Variants in HECTD4 observed in about 807,000 individuals in gnomAD.
HECTD4 encodes probable E3 ubiquitin-protein ligase HECTD4.
HECTD4 carries 114 observed loss-of-function variants against 471.5 expected under a neutral mutation model. That is an observed-to-expected ratio of 0.24 (90% confidence interval 0.21 to 0.28). The LOEUF (loss-of-function observed/expected upper bound fraction) is 0.28, where lower values mean the gene tolerates loss of function less well. Among genes scored for constraint, HECTD4 ranks in the 10% least tolerant of loss-of-function variants. The pLI is 1.00. For missense variants in HECTD4, 3,866 were observed against 5,651.5 expected, an observed-to-expected ratio of 0.68 and a Z score of 10.13; for synonymous variants, 2,012 against 2,256.0, an observed-to-expected ratio of 0.89 and a Z score of 3.07.
At position 112,193,770 on chromosome 12, in the gene HECTD4, C is replaced by A. The variant is rs2032156215; in HGVS notation, c.8750-96G>T. 20 of 1,072,294 alleles carry A rather than the reference C, an allele frequency of 1.9e-5. No homozygotes were observed. The highest frequency in any genetic ancestry group is 2.8e-6 in the Non-Finnish European group (2 of 720,442). 66.4% of individuals were successfully genotyped at this position (1,072,294 alleles called of 1,614,324 possible). A position where few individuals can be genotyped will look rare whatever the true frequency, so the allele number is the denominator to read the frequency against. ...GAAAATGAATAACCCATCCAGAAAC[C>A]CCAGATGGGAGGGTTATCCTGGATA... On this transcript the variant is annotated intron_variant, in intron 56 of 75. Transcript: ENST00000682272. The surrounding 1 kb of genome is among the most constrained non-coding windows in gnomAD (Gnocchi z 5.2).
At chr12:112,318,396 A>T (rs1461838859) in intron 2 of HECTD4, among the ~76,000 whole-genome samples, 1 of 151,528 alleles carries the variant, frequency 6.6e-6, no homozygotes, top group Non-Finnish European at 1.5e-5. Flanking sequence ...TTTTTTAAAG[A>T]CAAAGTCTTG....
intron 34 of HECTD4, 113 bp from the exon 35 acceptor site, chr12:112,237,211 A>G (rs2033531747): frequency 1.2e-6 from 1 of 834,226 alleles, no homozygotes; most frequent in East Asian, 2.7e-5. Flanking sequence ...TTCATGAACC[A>G]TCTAATAGTG....
chr12:112,247,355 A>C, intron 28 of HECTD4, 107 bp downstream of exon 28: 1 of 709,178 alleles, frequency 1.4e-6, no homozygotes, highest in Non-Finnish European at 2.2e-6. Flanking sequence ...TAAAATATTT[A>C]GTAAATTCAC....
At chr12:112,226,534 G>A (rs184637783) in intron 44 of HECTD4, 109 bp downstream of exon 44, 4 of 586,320 alleles carry the variant, frequency 6.8e-6, no homozygotes, top group Non-Finnish European at 1.2e-5. Context: ...CTTACAGCTC[G>A]GCTGTTTTGA....
rs2036910191 is a variant in HECTD4, at chr12:112,382,280, G to T, written c.-152C>A. The stretch of plus-strand genomic sequence containing the variant: ...TCGCCCGTGCAACTCCGCCCTAGGC[G>T]GTCCGAGTCGCCATACCCCCGACCC... On this transcript the variant is annotated 5_prime_UTR_variant, in exon 1 of 76. Coordinates refer to ENST00000682272, the MANE Select transcript of HECTD4 (RefSeq NM_001388303.1). 4.7e-6 allele frequency: 3 copies of T among 635,718 alleles called. No homozygotes were observed. Among genetic ancestry groups the T allele is most frequent in the Non-Finnish European group, 2.2e-6 (1 of 455,388 alleles). 39.4% of individuals were successfully genotyped at this position (635,718 alleles called of 1,614,324 possible). A position where few individuals can be genotyped will look rare whatever the true frequency, so the allele number is the denominator to read the frequency against.
At chr12:112,376,878 G>A (rs1348086399) in intron 1 of HECTD4, among the ~76,000 whole-genome samples, 5 of 152,066 alleles carry the variant, frequency 3.3e-5, no homozygotes, top group African/African-American at 4.8e-5. Flanking sequence ...TTTGGGAGGC[G>A]GAGGTGGGCA....
intron 67 of HECTD4, 63 bp from the exon 68 acceptor site, chr12:112,171,326 G>A: frequency 6.5e-7 from 1 of 1,545,456 alleles, no homozygotes; most frequent in South Asian, 1.2e-5. Flanking sequence ...CTGACTCACA[G>A]GCAACACAGG....
chr12:112,177,816 A>G lies in HECTD4; in HGVS notation c.11364-1114T>C, dbSNP rs534312572. On this transcript the variant is annotated intron_variant, in intron 64 of 75. Transcript: ENST00000682272. ...ACCCAACACTGGGCATATGTATAGA[A>G]TTGCTTCTGTATTTATAGAAAGGGT... Among the ~76,000 whole-genome samples, 41 of 152,336 alleles carry G rather than the reference A, an allele frequency of 2.7e-4. 1 individual carries two copies. In the South Asian group the frequency reaches 8.5e-3, roughly 32 times the overall value.
chr12:112,215,310 A>C (rs2032887334), intron 48 of HECTD4, among the ~76,000 whole-genome samples: 1 of 152,156 alleles, frequency 6.6e-6, no homozygotes, highest in Non-Finnish European at 1.5e-5. Flanking sequence ...CATATTCCCC[A>C]TCTCATCATC....
At position 112,167,326 on chromosome 12, in the gene HECTD4, C is replaced by T; in HGVS notation, c.12525G>A (p.Lys4175=). Residue 4175 remains lysine (K), a synonymous_variant, in exon 72 of 76, where the codon AAG becomes AAA. Transcript: ENST00000682272. ...TGTGCCTTGCACTCACGCTCTCAAA[C>T]TTCTTGACGTAATTGTAGGTGAGGA... ...ADILTYNYVK[K]FESINDETEL... 1 of 1,611,250 alleles carries T rather than the reference C, an allele frequency of 6.2e-7. No individual in the cohort carries two copies.
intron 1 of HECTD4, among the ~76,000 whole-genome samples, chr12:112,330,859 TAAG>T (rs2035832695): frequency 6.6e-6 from 1 of 152,182 alleles, no homozygotes; most frequent in South Asian, 2.1e-4. Context: ...CTCTTCCACA[TAAG>T]AACCTTTTAA....
At chr12:112,278,700 C>G (rs1360020806) in intron 9 of HECTD4, among the ~76,000 whole-genome samples, 1 of 152,236 alleles carries the variant, frequency 6.6e-6, no homozygotes, top group Non-Finnish European at 1.5e-5. Context: ...CCAGAACAGA[C>G]TGGCCAACAT....
At chr12:112,296,671 A>G (rs1239550749) in intron 7 of HECTD4, among the ~76,000 whole-genome samples, 2 of 148,998 alleles carry the variant, frequency 1.3e-5, no homozygotes, top group African/African-American at 5.0e-5. Context: ...CAGAGGGTGT[A>G]GGTGCAGCAA....
intron 34 of HECTD4, among the ~76,000 whole-genome samples, chr12:112,237,361 T>C (rs1411558089): frequency 6.6e-6 from 1 of 152,246 alleles, no homozygotes; most frequent in Admixed American, 6.5e-5. Flanking sequence ...CTTTGATTGA[T>C]AGGGAAGAAT....
intron 13 of HECTD4, among the ~76,000 whole-genome samples, chr12:112,268,336 G>C (rs1429659461): frequency 6.6e-6 from 1 of 152,200 alleles, no homozygotes; most frequent in Non-Finnish European, 1.5e-5. Context: ...ATAATGTGCT[G>C]TGGAAGGAAA....
At chr12:112,373,022 G>A in intron 1 of HECTD4, among the ~76,000 whole-genome samples, 1 of 152,096 alleles carries the variant, frequency 6.6e-6, no homozygotes, top group East Asian at 1.9e-4. Context: ...TGAGATTACA[G>A]GCATGAGACA....
chr12:112,172,393 G>A (rs1234619418), intron 67 of HECTD4, among the ~76,000 whole-genome samples: 1 of 152,232 alleles, frequency 6.6e-6, no homozygotes, highest in African/African-American at 2.4e-5. Context: ...CAGCGGCCTG[G>A]GCATTCCCCG....
chr12:112,249,519 T>A (rs916653472), intron 25 of HECTD4: 2 of 153,980 alleles, frequency 1.3e-5, no homozygotes, highest in Non-Finnish European at 2.9e-5. Context: ...TACATATGGA[T>A]GTTGGGCTAA....
chr12:112,247,620 C>G (rs2033790634), intron 27 of HECTD4, 70 bp from the exon 28 acceptor site: 4 of 607,054 alleles, frequency 6.6e-6, no homozygotes, highest in Middle Eastern at 9.4e-4. Context: ...TTAAAATGAA[C>G]AGAAAATTTC....
Sources: gnomAD v4.1 joint callset for allele counts (sites outside exome capture counted in the v4.1 genomes callset) on GRCh38, gnomAD v4.1.1 for gene constraint, Gnocchi (gnomAD v3.1) non-coding constraint, MANE v1.5 for transcripts, NCBI Gene and HGNC (gene_info 2026-07-23, HGNC 2026-07-21) for gene names.